Variants in TGFBR3 observed in about 807,000 individuals in gnomAD.
TGFBR3 encodes transforming growth factor beta receptor type 3.
In TGFBR3, 46 loss-of-function variants were observed where a neutral mutation model predicts 87.9. The observed-to-expected ratio is 0.52, with a 90% confidence interval of 0.41 to 0.67. The LOEUF (loss-of-function observed/expected upper bound fraction) is 0.67. TGFBR3 is among the 30% of genes least tolerant of loss of function. The probability of loss-of-function intolerance (pLI) is 0.00; values close to 1 mark genes in which losing one functional copy is unlikely to be tolerated. For synonymous variants in TGFBR3, 381 were observed against 391.6 expected, an observed-to-expected ratio of 0.97 and a Z score of 0.32; for missense variants, 866 against 1,041.9, an observed-to-expected ratio of 0.83 and a Z score of 2.32.
intron 3 of TGFBR3, among the ~76,000 whole-genome samples, chr1:91,795,673 C>G (rs1172892519): frequency 6.6e-6 from 1 of 152,168 alleles, no homozygotes; most frequent in Non-Finnish European, 1.5e-5. Context: ...ATTGTCGCTG[C>G]TAAAGAATTG....
chr1:91,830,800 G>T (rs1676833256), intron 2 of TGFBR3, among the ~76,000 whole-genome samples: 1 of 152,134 alleles, frequency 6.6e-6, no homozygotes, highest in Non-Finnish European at 1.5e-5. Context: ...AGGGCACAGG[G>T]TCAGAGCTTG....
At chr1:91,882,856 G>A (rs138480908) in intron 1 of TGFBR3, among the ~76,000 whole-genome samples, 74 of 152,248 alleles carry the variant, frequency 4.9e-4, no homozygotes, top group African/African-American at 1.7e-3. Flanking sequence ...ACTTATACTA[G>A]TATCAAATAT....
chr1:91,837,983 T>C (rs778761111), intron 2 of TGFBR3, among the ~76,000 whole-genome samples: 1 of 152,176 alleles, frequency 6.6e-6, no homozygotes. Context: ...CTGACAATGA[T>C]AGTGATTTGA....
chr1:91,795,123 G>A (rs529000404), intron 3 of TGFBR3, among the ~76,000 whole-genome samples: 16 of 152,130 alleles, frequency 1.1e-4, no homozygotes, highest in Non-Finnish European at 2.1e-4. Context: ...GAGATCTGCC[G>A]TATGTGAGCA....
chr1:91,888,468 C>T (rs568815040), upstream of TGFBR3, among the ~76,000 whole-genome samples: 2 of 152,226 alleles, frequency 1.3e-5, no homozygotes, highest in Admixed American at 6.5e-5. Flanking sequence ...TTTGGGAAGC[C>T]GAGGTGGGTG....
chr1:91,723,999 A>T (rs546980255), intron 7 of TGFBR3, among the ~76,000 whole-genome samples: 9 of 152,180 alleles, frequency 5.9e-5, no homozygotes, highest in Admixed American at 2.0e-4. Context: ...ATATATTTCA[A>T]CTCAAATCTT....
intron 5 of TGFBR3, among the ~76,000 whole-genome samples, chr1:91,732,676 G>A (rs545054317): frequency 1.6e-4 from 24 of 152,272 alleles, no homozygotes; most frequent in Admixed American, 5.2e-4. Flanking sequence ...TCTCTCCACG[G>A]CATGGCCCGG....
chr1:91,802,368 T>C (rs1409047214), intron 2 of TGFBR3, among the ~76,000 whole-genome samples: 1 of 151,816 alleles, frequency 6.6e-6, no homozygotes, highest in Non-Finnish European at 1.5e-5. Context: ...TTTTTCTTTT[T>C]CTTTTTTTTT....
intron 2 of TGFBR3, among the ~76,000 whole-genome samples, chr1:91,826,467 T>A (rs1676638365): frequency 6.6e-6 from 1 of 152,164 alleles, no homozygotes; most frequent in Non-Finnish European, 1.5e-5. Flanking sequence ...TACCAGGGAC[T>A]GATTCAAGGA....
intron 3 of TGFBR3, among the ~76,000 whole-genome samples, chr1:91,764,092 C>A (rs1674074430): frequency 1.3e-5 from 2 of 151,556 alleles, no homozygotes; most frequent in South Asian, 4.1e-4. Flanking sequence ...TTCCCCCCCA[C>A]ACACACCCAG....
At chr1:91,730,100 C>T (rs779131228) in intron 5 of TGFBR3, 127 bp from the exon 6 acceptor site, 5 of 1,092,428 alleles carry the variant, frequency 4.6e-6, no homozygotes, top group Non-Finnish European at 6.8e-6. Context: ...AAGGATGGTT[C>T]TTCGTCTGTG....
At position 91,685,119 on chromosome 1, in the gene TGFBR3, G is replaced by A. The variant is rs545227343; in HGVS notation, c.2438-1262C>T. On this transcript the variant is annotated intron_variant, in intron 16 of 16. Transcript: ENST00000212355. ...ATGTAGAACTGGCTCATGTCCCTGGGTCTGGTTACAGCTTTTCCTGTCACC... is the reference window on the plus strand; with the variant it reads ...ATGTAGAACTGGCTCATGTCCCTGGATCTGGTTACAGCTTTTCCTGTCACC... Among the ~76,000 whole-genome samples the A allele has an allele frequency of 1.4e-4, 21 of 152,216 alleles. No individual in the cohort carries two copies. In the East Asian group the frequency reaches 3.9e-3, roughly 28 times the overall value.
chr1:91,723,875 T>C (rs1238150227), intron 7 of TGFBR3, among the ~76,000 whole-genome samples: 1 of 152,232 alleles, frequency 6.6e-6, no homozygotes, highest in Non-Finnish European at 1.5e-5. Context: ...TTTCCCATTC[T>C]GTTTGCCCCT....
At chr1:91,789,235 A>G (rs1271681809) in intron 3 of TGFBR3, among the ~76,000 whole-genome samples, 1 of 152,158 alleles carries the variant, frequency 6.6e-6, no homozygotes, top group East Asian at 1.9e-4. Flanking sequence ...TGAACCCAAG[A>G]GGCGGAGGTT....
chr1:91,694,480 T>G (rs1671366054), intron 16 of TGFBR3, among the ~76,000 whole-genome samples: 1 of 152,274 alleles, frequency 6.6e-6, no homozygotes, highest in African/African-American at 2.4e-5. Context: ...GGAGATGTAG[T>G]ATTTAAAGTG....
intron 1 of TGFBR3, chr1:91,899,773 T>C (rs1402094891): frequency 6.6e-6 from 1 of 152,078 alleles, no homozygotes; most frequent in Admixed American, 6.6e-5. Flanking sequence ...TTAACATTTA[T>C]ACAAGAACTC....
At chr1:91,742,682 G>A (rs775954590) in intron 4 of TGFBR3, among the ~76,000 whole-genome samples, 1 of 152,032 alleles carries the variant, frequency 6.6e-6, no homozygotes, top group Non-Finnish European at 1.5e-5. Flanking sequence ...CAGAGCACTG[G>A]GCTCCAAGGG....
At chr1:91,776,073 A>C (rs1277367203) in intron 3 of TGFBR3, among the ~76,000 whole-genome samples, 1 of 152,216 alleles carries the variant, frequency 6.6e-6, no homozygotes, top group Non-Finnish European at 1.5e-5. Context: ...CAGCCCAGCT[A>C]TTCACATTTA....
At chr1:91,901,948 A>G (rs1204433858) in intron 1 of TGFBR3, among the ~76,000 whole-genome samples, 1 of 151,676 alleles carries the variant, frequency 6.6e-6, no homozygotes, top group Non-Finnish European at 1.5e-5. Flanking sequence ...AAAAGAAAAA[A>G]AAAAAAACGG....
Sources: allele counts gnomAD v4.1 joint callset (sites outside exome capture counted in the v4.1 genomes callset), GRCh38; gene constraint gnomAD v4.1.1; transcripts MANE v1.5; gene names NCBI Gene and HGNC (gene_info 2026-07-23, HGNC 2026-07-21).